The following PPIL3 variants were observed in gnomAD, a reference collection of about 807,000 sequenced individuals.
The protein encoded by PPIL3 is peptidyl-prolyl cis-trans isomerase-like 3.
Under a neutral mutation model 20.9 loss-of-function variants are expected in PPIL3, and 13 were observed. The ratio of observed to expected loss-of-function variants is 0.62; its 90% CI spans 0.40 to 0.99. PPIL3 has a LOEUF of 0.99. Ranked by LOEUF, PPIL3 falls within the 50% of genes least tolerant of loss-of-function variation. The pLI, the probability that PPIL3 is intolerant of heterozygous loss-of-function variation, is 0.00. For synonymous variants in PPIL3, 71 were observed against 64.4 expected (o/e 1.10, Z -0.49); for missense variants, 170 against 195.2 (o/e 0.87, Z 0.77).
At chr2:200,873,262 C>T (rs904868960) in intron 6 of PPIL3, among the ~76,000 whole-genome samples, 7 of 149,972 alleles carry the variant, frequency 4.7e-5, no homozygotes, top group African/African-American at 1.7e-4. Flanking sequence ...AGCACTATCT[C>T]GACTCATTGT....
At chr2:200,881,723 G>T (rs1034533912) in intron 4 of PPIL3, 1 of 462,238 alleles carries the variant, frequency 2.2e-6, no homozygotes, top group Non-Finnish European at 3.8e-6. Flanking sequence ...ATTTAAGTAT[G>T]AAAAGCTTCA....
At chr2:200,888,147 T>C (rs1195821175) in intron 1 of PPIL3, 1 of 150,824 alleles carries the variant, frequency 6.6e-6, no homozygotes, top group Admixed American at 6.6e-5. Context: ...AGCCTCCCAA[T>C]CTCCTACTTG....
chr2:200,871,995 C>T (rs965361865), intron 6 of PPIL3, among the ~76,000 whole-genome samples: 5 of 151,944 alleles, frequency 3.3e-5, no homozygotes, highest in African/African-American at 1.2e-4. Context: ...AATGCATGCC[C>T]CCACACCTGG....
chr2:200,880,696 C>A (rs755591644), intron 5 of PPIL3, among the ~76,000 whole-genome samples: 6 of 151,922 alleles, frequency 3.9e-5, no homozygotes, highest in Non-Finnish European at 8.8e-5. Flanking sequence ...CTTCATTGCT[C>A]TTTTTCTAAT....
chr2:200,879,578 T>C (rs1035515368), intron 5 of PPIL3, among the ~76,000 whole-genome samples: 1 of 152,150 alleles, frequency 6.6e-6, no homozygotes, highest in East Asian at 1.9e-4. Context: ...CTCACTCCTA[T>C]AATCCCAACA....
At chr2:200,881,282 T>A (rs2039710859) in intron 5 of PPIL3, 139 bp downstream of exon 5, 4 of 652,992 alleles carry the variant, frequency 6.1e-6, no homozygotes, top group Admixed American at 3.3e-5. Context: ...CCCGACATCA[T>A]TTGTCAAATG....
At chr2:200,882,982 A>G (rs2039791233) in intron 3 of PPIL3, among the ~76,000 whole-genome samples, 1 of 151,394 alleles carries the variant, frequency 6.6e-6, no homozygotes, top group African/African-American at 2.4e-5. Context: ...TCTCCTCATC[A>G]CATATACTAA....
chr2:200,879,603 G>A (rs1464575943), intron 5 of PPIL3, among the ~76,000 whole-genome samples: 1 of 152,160 alleles, frequency 6.6e-6, no homozygotes, highest in Non-Finnish European at 1.5e-5. Context: ...GGGAGGCCAA[G>A]ACAGGAGGAT....
rs147805708 is a variant in PPIL3 at position 200,879,015 on chromosome 2, T to G, written c.241-1978A>C. 1.9e-3 allele frequency among the ~76,000 whole-genome samples: 283 copies of G among 152,334 alleles called. 3 individuals are homozygous for G. The highest frequency in any genetic ancestry group is 6.4e-3 in the African/African-American group (267 of 41,590). ...CTGTACATGTCTCTTGGTGCAAACT[T>G]ACAAGTTTCTCTTGAGTAAACATTT... is the stretch of plus-strand genomic sequence containing the variant. On this transcript the variant is annotated intron_variant, in intron 5 of 6. Transcript: ENST00000392283.
At chr2:200,873,129 A>G (rs1008913531) in intron 6 of PPIL3, among the ~76,000 whole-genome samples, 1 of 151,864 alleles carries the variant, frequency 6.6e-6, no homozygotes, top group African/African-American at 2.4e-5. Context: ...TGGCCTCCCA[A>G]AGTGTTGGGA....
intron 6 of PPIL3, 44 bp downstream of exon 6, chr2:200,876,875 C>T (rs2039536390): frequency 7.2e-7 from 1 of 1,383,594 alleles, no homozygotes; most frequent in Non-Finnish European, 1.0e-6. Flanking sequence ...ATATGCACCA[C>T]TTGCATTGAA....
Position 200,881,904 on chromosome 2 carries a change from G to A in PPIL3, c.173-416C>T, listed in dbSNP as rs2039744526. ...TGTAATACTATGCAGCCATAAAAAG[G>A]ATGAGATCATGTCCTTTGCAGGGAC... On this transcript the variant is annotated intron_variant, in intron 4 of 6. Transcript: ENST00000392283. 3 of 208,640 alleles carry A rather than the reference G, an allele frequency of 1.4e-5. No homozygotes were observed. The South Asian group carries it at 2.7e-4, about 19-fold the overall frequency. The allele number at this position is 208,640 out of a possible 1,614,324, so 12.9% of individuals were successfully genotyped here. A position where few individuals can be genotyped will look rare whatever the true frequency, so the allele number is the denominator to read the frequency against.
At chr2:200,889,229 G>A (rs747845807), upstream of PPIL3, 1 of 351,890 alleles carries the variant, frequency 2.8e-6, no homozygotes, top group Non-Finnish European at 5.6e-6. Flanking sequence ...GACAAGAAGT[G>A]TAAGGCGAAA....
chr2:200,877,155 C>T, intron 5 of PPIL3, 118 bp from the exon 6 acceptor site: 1 of 687,900 alleles, frequency 1.5e-6, no homozygotes, highest in Non-Finnish European at 2.5e-6. Context: ...AGATTGGGGT[C>T]TCACTATGTT....
rs1385923500 is a variant in PPIL3 at position 200,871,192 on chromosome 2, G to A, written c.*203C>T. Reference sequence around the variant, plus strand: ...TTTTGTATTAAAATTAAAGAAATATGTTGGATAATCATTATAATAAAGAAT... The same window carrying A: ...TTTTGTATTAAAATTAAAGAAATATATTGGATAATCATTATAATAAAGAAT... On this transcript the variant is annotated 3_prime_UTR_variant, in exon 7 of 7. Coordinates refer to ENST00000392283, the MANE Select transcript of PPIL3 (RefSeq NM_130906.3). 1 of 407,170 alleles carries A rather than the reference G, an allele frequency of 2.5e-6. No individual in the cohort carries two copies. The highest frequency in any genetic ancestry group is 4.3e-6 in the Non-Finnish European group (1 of 230,078). 25.2% of individuals were successfully genotyped at this position (407,170 alleles called of 1,614,324 possible). A position where few individuals can be genotyped will look rare whatever the true frequency, so the allele number is the denominator to read the frequency against.
At chr2:200,876,517 ATTTT>A (rs1273010531) in intron 6 of PPIL3, among the ~76,000 whole-genome samples, 4 of 130,678 alleles carry the variant, frequency 3.1e-5, no homozygotes, top group Non-Finnish European at 3.3e-5. Context: ...TTTTCTTTTC[ATTTT>A]TTTTTTTTTT....
Position 200,871,317 on chromosome 2 carries a change from TG to T in PPIL3, c.*77del. ...ACAAGCAGAAGGATGATGCAATCTC[TG>T]ACATAATTAAAACCGGGTAAACCAC... On this transcript the variant is annotated 3_prime_UTR_variant, in exon 7 of 7. Coordinates refer to ENST00000392283, the MANE Select transcript of PPIL3 (RefSeq NM_130906.3). The T allele has an allele frequency of 7.0e-7, 1 of 1,425,630 alleles. No individual in the cohort carries two copies. The highest frequency in any genetic ancestry group is 1.4e-5 in the African/African-American group (1 of 69,924). 88.3% of individuals were successfully genotyped at this position (1,425,630 alleles called of 1,614,324 possible).
intron 2 of PPIL3, among the ~76,000 whole-genome samples, chr2:200,886,705 C>G (rs1018070655): frequency 3.9e-5 from 6 of 152,176 alleles, no homozygotes; most frequent in Non-Finnish European, 8.8e-5. Context: ...AGATTACAGG[C>G]GTGAGCCACC....
At chr2:200,882,868 C>T (rs1488207784) in intron 3 of PPIL3, among the ~76,000 whole-genome samples, 1 of 150,450 alleles carries the variant, frequency 6.6e-6, no homozygotes, top group African/African-American at 2.4e-5. Context: ...CCACTGCACT[C>T]CAGCCCGGGC....
Sources: allele counts gnomAD v4.1 joint callset (sites outside exome capture counted in the v4.1 genomes callset), GRCh38; gene constraint gnomAD v4.1.1; transcripts MANE v1.5; gene names NCBI Gene and HGNC (gene_info 2026-07-23, HGNC 2026-07-21).